FAM114A2: variants seen among roughly 807,000 people sequenced by gnomAD.
FAM114A2 encodes the protein protein FAM114A2.
Under a neutral mutation model 58.4 loss-of-function variants are expected in FAM114A2, and 53 were observed. The ratio of observed to expected loss-of-function variants is 0.91; its 90% confidence interval spans 0.73 to 1.14. FAM114A2 has a LOEUF of 1.14. Ranked by LOEUF, FAM114A2 falls within the 50% of genes most tolerant of loss-of-function variation. The probability of loss-of-function intolerance (pLI) is 0.00; values close to 1 mark genes in which losing one functional copy is unlikely to be tolerated. For synonymous variants in FAM114A2, 228 were observed against 211.4 expected (o/e 1.08, Z -0.68); for missense variants, 601 against 581.1 (o/e 1.03, Z -0.35).
chr5:154,027,487 G>T, intron 6 of FAM114A2, 153 bp from the exon 7 acceptor site: 1 of 518,876 alleles, frequency 1.9e-6, no homozygotes, highest in Non-Finnish European at 3.2e-6. Flanking sequence ...GGGCTCAGGA[G>T]CTGCAGAAAG....
intron 9 of FAM114A2, among the ~76,000 whole-genome samples, chr5:154,008,674 A>ATGTG (rs375012511): frequency 4.0e-5 from 6 of 151,388 alleles, no homozygotes; most frequent in East Asian, 1.9e-4. Context: ...CTATATGTGT[A>ATGTG]TGTGTGTGTG....
At chr5:154,012,288 A>C (rs1453012764) in intron 8 of FAM114A2, among the ~76,000 whole-genome samples, 1 of 152,234 alleles carries the variant, frequency 6.6e-6, no homozygotes, top group Non-Finnish European at 1.5e-5. Context: ...GAACACTTAC[A>C]AAGAAACAAG....
chr5:154,022,779 T>C (rs891329924), intron 8 of FAM114A2, among the ~76,000 whole-genome samples: 1 of 152,184 alleles, frequency 6.6e-6, no homozygotes, highest in African/African-American at 2.4e-5. Flanking sequence ...AGTGATCCCA[T>C]TACTGGATAT....
chr5:154,010,154 T>C (rs1169094585), intron 9 of FAM114A2, among the ~76,000 whole-genome samples: 1 of 152,228 alleles, frequency 6.6e-6, no homozygotes, highest in Non-Finnish European at 1.5e-5. Context: ...TATCTATATA[T>C]GTATACATGT....
intron 9 of FAM114A2, 137 bp downstream of exon 9, chr5:154,011,104 G>T: frequency 4.7e-6 from 3 of 635,298 alleles, no homozygotes; most frequent in Non-Finnish European, 8.2e-6. Context: ...AGTAGATGCA[G>T]AACCCAATTC....
chr5:154,019,611 C>T (rs1290338932), intron 8 of FAM114A2, among the ~76,000 whole-genome samples: 2 of 152,162 alleles, frequency 1.3e-5, no homozygotes, highest in East Asian at 3.8e-4. Context: ...CTGGAAGCAT[C>T]ACATTACCTG....
rs775272637 is a variant in FAM114A2, at chr5:154,002,380, G to A, written c.1127C>T (p.Ala376Val). ...TTCAGCCAGGCTCCGGATTGCAAACGCATGGATATCCTGGATGGAAAAACA... is the reference window on the plus strand; with the variant it reads ...TTCAGCCAGGCTCCGGATTGCAAACACATGGATATCCTGGATGGAAAAACA... ...VNKNSIEDIH[A>V]FAIRSLAELT... The change falls in exon 11 of 14, where the codon GCG becomes GTG. Residue 376 changes from alanine (A) to valine (V), a missense_variant. Physicochemically the swap from Ala to Val is moderately conservative, Grantham distance 64. Coordinates refer to ENST00000351797, the MANE Select transcript of FAM114A2 (RefSeq NM_018691.4). The A allele has an allele frequency of 2.2e-5, 35 of 1,613,624 alleles. No homozygotes were observed. The highest frequency in any genetic ancestry group is 8.9e-5 in the East Asian group (4 of 44,878).
chr5:154,011,653 C>T (rs1178678719), intron 8 of FAM114A2, among the ~76,000 whole-genome samples: 1 of 152,102 alleles, frequency 6.6e-6, no homozygotes, highest in Non-Finnish European at 1.5e-5. Context: ...CAGTCCAAAC[C>T]CTGTGCTGTG....
chr5:154,027,346 T>C lies in FAM114A2; in HGVS notation c.631-12A>G. 1 of 1,607,082 alleles carries C rather than the reference T, an allele frequency of 6.2e-7. No individual in the cohort carries two copies. Among genetic ancestry groups the C allele is most frequent in the Non-Finnish European group, 8.5e-7 (1 of 1,177,216 alleles). On this transcript the variant is annotated splice_polypyrimidine_tract_variant and intron_variant, in intron 6 of 13. Transcript: ENST00000351797. ...GCCTCTCGTAAAACCTAAAAAGAGA[T>C]GGAGGCATTACACTGTAGCAAACAA... is the stretch of plus-strand genomic sequence containing the variant.
chr5:154,026,267 T>C (rs1328488187), intron 8 of FAM114A2, 132 bp downstream of exon 8: 2 of 613,498 alleles, frequency 3.3e-6, no homozygotes, highest in East Asian at 7.3e-5. Flanking sequence ...CACAGAGAAT[T>C]TGCATAAAAA....
rs1174394730 is a variant in FAM114A2 at position 153,992,393 on chromosome 5, C to T, written c.*583G>A. 2 of 152,204 alleles carry T rather than the reference C, an allele frequency of 1.3e-5. No homozygotes were observed. The highest frequency in any genetic ancestry group is 2.1e-4 in the South Asian group (1 of 4,830). 9.4% of individuals were successfully genotyped at this position (152,204 alleles called of 1,614,324 possible). A position where few individuals can be genotyped will look rare whatever the true frequency, so the allele number is the denominator to read the frequency against. ...GGCTATAATAGTCTACAAGTTTCTC[C>T]TCAATGCCAAATATCTACTAAGAAT... On this transcript the variant is annotated 3_prime_UTR_variant, in exon 14 of 14. Coordinates refer to ENST00000351797, the MANE Select transcript of FAM114A2 (RefSeq NM_018691.4).
chr5:154,031,861 A>G (rs78334315), intron 4 of FAM114A2, among the ~76,000 whole-genome samples: 3,764 of 152,334 alleles, frequency 0.025, 102 homozygotes, highest in African/African-American at 0.063. Flanking sequence ...TCAGGACCCC[A>G]AATTTACTAT....
chr5:154,006,921 C>T (rs550476499), intron 9 of FAM114A2, among the ~76,000 whole-genome samples: 4 of 151,758 alleles, frequency 2.6e-5, no homozygotes, highest in African/African-American at 9.7e-5. Context: ...CTCAGCCTCC[C>T]GAGTAGCTGG....
chr5:154,011,302 T>C lies in FAM114A2; in HGVS notation c.932A>G (p.Lys311Arg), dbSNP rs776491902. The C allele has an allele frequency of 6.2e-7, 1 of 1,612,358 alleles. No homozygotes were observed. Among genetic ancestry groups the C allele is most frequent in the Non-Finnish European group, 8.5e-7 (1 of 1,179,116 alleles). The change falls in exon 9 of 14, where the codon AAG (lysine) becomes AGG (arginine). Residue 311 changes from lysine to arginine, a missense_variant. Coordinates refer to ENST00000351797, the MANE Select transcript of FAM114A2 (RefSeq NM_018691.4). ...EEKKGDEDFT[K>R]DITELFSQLH... ...CTGGGAAAACAGCTCTGTTATGTCC[T>C]TGGTAAAATCTTCATCCCCTAAAAA...
At chr5:154,020,056 T>G (rs997709871) in intron 8 of FAM114A2, among the ~76,000 whole-genome samples, 1 of 152,182 alleles carries the variant, frequency 6.6e-6, no homozygotes, top group African/African-American at 2.4e-5. Flanking sequence ...ACTGGGTACC[T>G]AACAAAATGA....
At chr5:154,035,817 CTGA>C (rs1445952163) in intron 1 of FAM114A2, among the ~76,000 whole-genome samples, 4 of 152,204 alleles carry the variant, frequency 2.6e-5, no homozygotes, top group African/African-American at 9.7e-5. Context: ...CAATGTATGA[CTGA>C]TAAGTTTTTC....
chr5:154,002,585 A>C (rs746756847), intron 10 of FAM114A2, among the ~76,000 whole-genome samples, 195 bp from the exon 11 acceptor site: 1 of 152,210 alleles, frequency 6.6e-6, no homozygotes, highest in Non-Finnish European at 1.5e-5. Flanking sequence ...GAAGTAACTA[A>C]GTTTTGGCCA....
intron 12 of FAM114A2, among the ~76,000 whole-genome samples, chr5:153,995,659 C>T (rs1273714344): frequency 6.6e-6 from 1 of 152,144 alleles, no homozygotes; most frequent in Non-Finnish European, 1.5e-5. Context: ...AATTTTGCTG[C>T]TACACTGACA....
chr5:154,002,217 T>G, intron 11 of FAM114A2, 34 bp downstream of exon 11: 1 of 1,596,100 alleles, frequency 6.3e-7, no homozygotes, highest in Non-Finnish European at 8.6e-7. Flanking sequence ...CTCCTGCAAT[T>G]TGCATCATTT....
Sources: allele counts gnomAD v4.1 joint callset (sites outside exome capture counted in the v4.1 genomes callset), GRCh38; gene constraint gnomAD v4.1.1; transcripts MANE v1.5; gene names NCBI Gene and HGNC (gene_info 2026-07-23, HGNC 2026-07-21).